The following MACROD2 variants were observed in gnomAD, a reference collection of about 807,000 sequenced individuals.
The protein encoded by MACROD2 is mono-ADP ribosylhydrolase 2.
Under a neutral mutation model 70.4 loss-of-function variants are expected in MACROD2, and 36 were observed. The ratio of observed to expected loss-of-function variants is 0.51; its 90% CI spans 0.39 to 0.68. MACROD2 has a LOEUF of 0.68. Among genes scored for constraint, MACROD2 ranks in the 30% least tolerant of loss-of-function variants. The pLI is 0.00. For synonymous variants in MACROD2, 172 were observed against 178.8 expected, an observed-to-expected ratio of 0.96 and a Z score of 0.30; for missense variants, 496 against 538.4, an observed-to-expected ratio of 0.92 and a Z score of 0.78.
At chr20:15,920,862 G>C (rs377538824) in intron 10 of MACROD2, among the ~76,000 whole-genome samples, 1 of 152,136 alleles carries the variant, frequency 6.6e-6, no homozygotes, top group African/African-American at 2.4e-5. Context: ...GGATAATTCA[G>C]AGCTTTTGCA....
At chr20:15,390,822 G>A (rs931892524) in intron 6 of MACROD2, among the ~76,000 whole-genome samples, 12 of 152,174 alleles carry the variant, frequency 7.9e-5, no homozygotes, top group Non-Finnish European at 1.5e-4. Flanking sequence ...AATTTGATTG[G>A]TCACATAAAT....
chr20:14,541,684 C>T (rs1535212), intron 4 of MACROD2, among the ~76,000 whole-genome samples: 61,910 of 151,708 alleles, frequency 0.41, 13,187 homozygotes, highest in East Asian at 0.64. Flanking sequence ...TCTATAAAAC[C>T]GCCGGTATTA....
intron 6 of MACROD2, among the ~76,000 whole-genome samples, chr20:15,337,597 C>T (rs190897705): frequency 1.2e-4 from 18 of 151,814 alleles, no homozygotes; most frequent in Admixed American, 1.2e-3. Context: ...CATTACCACA[C>T]ATACTTATTT....
chr20:14,599,862 G>T (rs1982373555), intron 4 of MACROD2, among the ~76,000 whole-genome samples: 1 of 152,140 alleles, frequency 6.6e-6, no homozygotes, highest in African/African-American at 2.4e-5. Context: ...AGGATTTCAG[G>T]ATGAGCTGAG....
intron 15 of MACROD2, among the ~76,000 whole-genome samples, chr20:16,032,665 G>A (rs1004828424): frequency 6.7e-6 from 1 of 149,504 alleles, no homozygotes; most frequent in Admixed American, 6.7e-5. Flanking sequence ...AAAGGAAAGA[G>A]GGATGGATGA....
intron 5 of MACROD2, among the ~76,000 whole-genome samples, chr20:15,001,945 CCACA>C (rs111994400): frequency 0.027 from 3,931 of 146,050 alleles, 76 homozygotes; most frequent in Middle Eastern, 0.035. Context: ...GTGTGCATGC[CCACA>C]CACACACACA....
chr20:14,424,403 C>T (rs1037159094), intron 3 of MACROD2, among the ~76,000 whole-genome samples: 2 of 152,156 alleles, frequency 1.3e-5, no homozygotes, highest in Non-Finnish European at 2.9e-5. Context: ...ATTACAACTA[C>T]AATACCACTG....
At chr20:14,119,143 T>A (rs2054549920) in intron 3 of MACROD2, among the ~76,000 whole-genome samples, 1 of 143,578 alleles carries the variant, frequency 7.0e-6, no homozygotes, top group South Asian at 2.3e-4. Context: ...CCACCGCGCC[T>A]GGCCAAATGA....
At chr20:14,737,376 C>T (rs1005662339) in intron 5 of MACROD2, among the ~76,000 whole-genome samples, 1 of 152,056 alleles carries the variant, frequency 6.6e-6, no homozygotes, top group African/African-American at 2.4e-5. Flanking sequence ...GTGTTGGTTC[C>T]AAGTCTTTGC....
chr20:14,768,267 C>A (rs1007943628), intron 5 of MACROD2, among the ~76,000 whole-genome samples: 8 of 152,018 alleles, frequency 5.3e-5, no homozygotes, highest in Admixed American at 4.6e-4. Context: ...AGTGTAAAAG[C>A]CTTCCTATTT....
intron 8 of MACROD2, among the ~76,000 whole-genome samples, chr20:15,504,987 C>T (rs1205256563): frequency 6.6e-6 from 1 of 152,190 alleles, no homozygotes; most frequent in Non-Finnish European, 1.5e-5. Context: ...AGCTCTGAGA[C>T]CCCCTGCTCA....
chr20:14,140,417 A>C (rs78306425), intron 3 of MACROD2, among the ~76,000 whole-genome samples: 2 of 152,212 alleles, frequency 1.3e-5, no homozygotes. Context: ...AGTTGTAAGA[A>C]GGTTCCCAAA....
At chr20:15,278,443 C>T (rs116542276) in intron 6 of MACROD2, among the ~76,000 whole-genome samples, 5 of 152,252 alleles carry the variant, frequency 3.3e-5, no homozygotes, top group African/African-American at 1.2e-4. Context: ...AAGATTTGAG[C>T]AGGACCCCTG....
chr20:14,007,793 T>C (rs2052843441), intron 2 of MACROD2, among the ~76,000 whole-genome samples: 1 of 152,240 alleles, frequency 6.6e-6, no homozygotes, highest in Non-Finnish European at 1.5e-5. Context: ...GCCAGGCTTA[T>C]GCTAATTTTC....
intron 8 of MACROD2, among the ~76,000 whole-genome samples, chr20:15,502,680 G>A (rs1056235435): frequency 1.3e-5 from 2 of 152,188 alleles, no homozygotes; most frequent in Admixed American, 6.5e-5. Flanking sequence ...TAGAAAAGGA[G>A]GTAACAAGCG....
chr20:15,302,941 C>A (rs1353095748), intron 6 of MACROD2, among the ~76,000 whole-genome samples: 1 of 152,094 alleles, frequency 6.6e-6, no homozygotes, highest in African/African-American at 2.4e-5. Context: ...AGTTACTTAA[C>A]CTCCCTAAGC....
At chr20:15,404,137 C>T (rs1201489059) in intron 6 of MACROD2, among the ~76,000 whole-genome samples, 3 of 152,156 alleles carry the variant, frequency 2.0e-5, no homozygotes, top group Non-Finnish European at 2.9e-5. Flanking sequence ...GGGCTGTAGA[C>T]AACTAATATG....
chr20:14,461,068 G>T (rs1241109798), intron 3 of MACROD2, among the ~76,000 whole-genome samples: 1 of 151,902 alleles, frequency 6.6e-6, no homozygotes, highest in Non-Finnish European at 1.5e-5. Flanking sequence ...GCTTTTTTGG[G>T]TTGGTAGGCT....
intron 15 of MACROD2, among the ~76,000 whole-genome samples, chr20:16,015,158 A>G (rs920827922): frequency 3.3e-5 from 5 of 152,160 alleles, no homozygotes; most frequent in Admixed American, 1.3e-4. Context: ...TTTGTTTTTA[A>G]TTTAACAATA....
Sources: gnomAD v4.1 joint callset for allele counts (sites outside exome capture counted in the v4.1 genomes callset) on GRCh38, gnomAD v4.1.1 for gene constraint, MANE v1.5 for transcripts, NCBI Gene and HGNC (gene_info 2026-07-23, HGNC 2026-07-21) for gene names.